DGKB: variants seen among roughly 807,000 people sequenced by gnomAD.
The protein encoded by DGKB is 90 kDa diacylglycerol kinase.
Under a neutral mutation model 114.3 loss-of-function variants are expected in DGKB, and 67 were observed. The ratio of observed to expected loss-of-function variants is 0.59; its 90% CI spans 0.48 to 0.72. The LOEUF (loss-of-function observed/expected upper bound fraction) is 0.72, where lower values mean the gene tolerates loss of function less well. DGKB is among the 30% of genes least tolerant of loss of function. The probability of loss-of-function intolerance (pLI) is 0.00; values close to 1 mark genes in which losing one functional copy is unlikely to be tolerated. For synonymous variants in DGKB, 398 were observed against 323.1 expected (o/e 1.23, Z -2.49); for missense variants, 907 against 975.2 (o/e 0.93, Z 0.93).
intron 23 of DGKB, among the ~76,000 whole-genome samples, chr7:14,188,336 A>G (rs1343439351): frequency 3.3e-5 from 5 of 152,184 alleles, no homozygotes; most frequent in Admixed American, 1.3e-4. Context: ...GTATTGGTAG[A>G]GTTATGAACA....
chr7:14,668,498 A>G (rs893821325), intron 13 of DGKB, among the ~76,000 whole-genome samples: 4 of 152,150 alleles, frequency 2.6e-5, no homozygotes, highest in African/African-American at 9.6e-5. Context: ...TGGGAAATTT[A>G]CTTAACCTCT....
upstream of DGKB, among the ~76,000 whole-genome samples, chr7:14,907,535 G>A (rs571311292): frequency 3.3e-5 from 5 of 152,332 alleles, no homozygotes; most frequent in South Asian, 2.1e-4. Context: ...CTGCATGTGC[G>A]CTTACATGTA....
At chr7:14,771,084 G>C (rs188893476) in intron 2 of DGKB, among the ~76,000 whole-genome samples, 1 of 152,200 alleles carries the variant, frequency 6.6e-6, no homozygotes, top group East Asian at 1.9e-4. Flanking sequence ...CTTTGATTTA[G>C]CATGAGCAAA....
At chr7:14,508,110 T>C (rs1787387034) in intron 20 of DGKB, among the ~76,000 whole-genome samples, 3 of 152,250 alleles carry the variant, frequency 2.0e-5, no homozygotes, top group Middle Eastern at 3.4e-3. Flanking sequence ...TCTACCTATA[T>C]TAGTTATGAA....
chr7:14,582,497 T>C (rs1435303542), intron 18 of DGKB, among the ~76,000 whole-genome samples: 2 of 152,190 alleles, frequency 1.3e-5, no homozygotes, highest in Non-Finnish European at 2.9e-5. Context: ...GACTTTGTTG[T>C]AGTTATTTAC....
intron 1 of DGKB, among the ~76,000 whole-genome samples, chr7:14,937,860 A>G (rs971959210): frequency 1.3e-5 from 2 of 152,192 alleles, no homozygotes; most frequent in African/African-American, 4.8e-5. Flanking sequence ...CTTAATGAAT[A>G]GTAAATACAC....
At chr7:14,677,798 T>A (rs1820133154) in intron 12 of DGKB, among the ~76,000 whole-genome samples, 1 of 152,048 alleles carries the variant, frequency 6.6e-6, no homozygotes, top group East Asian at 1.9e-4. Context: ...AGGATTGAAA[T>A]ATAAAACACA....
At chr7:14,156,324 T>G (rs1783014693) in intron 25 of DGKB, among the ~76,000 whole-genome samples, 1 of 152,170 alleles carries the variant, frequency 6.6e-6, no homozygotes, top group Admixed American at 6.6e-5. Flanking sequence ...ATTTAAGTAG[T>G]CATTCATATT....
intron 4 of DGKB, among the ~76,000 whole-genome samples, chr7:14,749,397 T>A (rs1277794477): frequency 6.6e-6 from 1 of 152,072 alleles, no homozygotes; most frequent in Non-Finnish European, 1.5e-5. Flanking sequence ...CACTTCAGAG[T>A]CACATACTCC....
chr7:14,646,221 T>C (rs909424225), intron 13 of DGKB, among the ~76,000 whole-genome samples: 9 of 152,200 alleles, frequency 5.9e-5, no homozygotes, highest in African/African-American at 2.2e-4. Flanking sequence ...CAGGATTATC[T>C]ATATTTGTAT....
At chr7:14,391,709 G>T (rs1821347389) in intron 21 of DGKB, among the ~76,000 whole-genome samples, 1 of 151,850 alleles carries the variant, frequency 6.6e-6, no homozygotes, top group South Asian at 2.1e-4. Context: ...ATAAAAGAAA[G>T]AATGGTAAAG....
chr7:14,785,916 G>A (rs192757566), intron 2 of DGKB, among the ~76,000 whole-genome samples: 1 of 149,674 alleles, frequency 6.7e-6, no homozygotes, highest in Admixed American at 6.6e-5. Context: ...TGCAAGAGCT[G>A]TAAGATCTAC....
chr7:14,335,476 AT>A (rs1178056190), intron 23 of DGKB, among the ~76,000 whole-genome samples: 1 of 152,098 alleles, frequency 6.6e-6, no homozygotes, highest in Non-Finnish European at 1.5e-5. Context: ...ACTTCTGATA[AT>A]TTTTTACAGA....
chr7:14,572,169 A>G (rs1024845608), intron 20 of DGKB, among the ~76,000 whole-genome samples: 6 of 151,924 alleles, frequency 3.9e-5, no homozygotes, highest in African/African-American at 1.5e-4. Context: ...AGAATAAAGT[A>G]TAGGCCGGGC....
intron 20 of DGKB, among the ~76,000 whole-genome samples, chr7:14,558,812 T>C: frequency 6.6e-6 from 1 of 152,306 alleles, no homozygotes; most frequent in Non-Finnish European, 1.5e-5. Context: ...TCAGATCTGC[T>C]GCTTTCCAGT....
intron 13 of DGKB, among the ~76,000 whole-genome samples, chr7:14,648,703 C>A (rs907526273): frequency 1.3e-5 from 2 of 150,480 alleles, no homozygotes. Context: ...CTCTGAGCTA[C>A]GGGAGGACAT....
At chr7:14,518,932 C>G (rs1789291322) in intron 20 of DGKB, among the ~76,000 whole-genome samples, 1 of 151,966 alleles carries the variant, frequency 6.6e-6, no homozygotes, top group African/African-American at 2.4e-5. Flanking sequence ...TTTGCATTTC[C>G]AAGTTCCCAG....
chr7:14,300,209 A>G (rs1803284491), intron 23 of DGKB, among the ~76,000 whole-genome samples: 2 of 152,110 alleles, frequency 1.3e-5, no homozygotes, highest in African/African-American at 4.8e-5. Context: ...AATGTTTCCT[A>G]TTTTAGATGT....
At chr7:14,614,001 A>C (rs778437300) in intron 15 of DGKB, among the ~76,000 whole-genome samples, 2 of 152,138 alleles carry the variant, frequency 1.3e-5, no homozygotes, top group Non-Finnish European at 1.5e-5. Flanking sequence ...TAGTTAATCA[A>C]GTATATTTGC....
Sources: gnomAD v4.1 joint callset for allele counts (sites outside exome capture counted in the v4.1 genomes callset) on GRCh38, gnomAD v4.1.1 for gene constraint, MANE v1.5 for transcripts, NCBI Gene and HGNC (gene_info 2026-07-23, HGNC 2026-07-21) for gene names.